The following CAST variants were observed in gnomAD, a reference collection of about 807,000 sequenced individuals.
The protein encoded by CAST is calpastatin.
CAST carries 76 observed loss-of-function variants against 119.6 expected under a neutral mutation model. That is an observed-to-expected ratio of 0.64 (90% CI 0.53 to 0.77). The LOEUF (loss-of-function observed/expected upper bound fraction) is 0.77, where lower values mean the gene tolerates loss of function less well. CAST is among the 30% of genes least tolerant of loss of function. The probability of loss-of-function intolerance (pLI) is 0.00; values close to 1 mark genes in which losing one functional copy is unlikely to be tolerated. For missense variants in CAST, 953 were observed against 946.5 expected (o/e 1.01, Z -0.09); for synonymous variants, 319 against 331.6 (o/e 0.96, Z 0.41).
intron 11 of CAST, among the ~76,000 whole-genome samples, chr5:96,739,571 T>A (rs1209320860): frequency 6.6e-6 from 1 of 152,234 alleles, no homozygotes; most frequent in Non-Finnish European, 1.5e-5. Context: ...TAAATTGATA[T>A]GCTAAAGTTC....
At chr5:96,454,183 C>T in the CAST span, among the ~76,000 whole-genome samples, 10,857 of 152,094 alleles carry the variant, frequency 0.071, 860 homozygotes, top group East Asian at 0.41. Context: ...ATTAATGAAC[C>T]CTACTACGTG....
Position 96,726,470 on chromosome 5 carries a change from A to G in CAST, c.271-324A>G, listed in dbSNP as rs919610032. 3.9e-5 allele frequency among the ~76,000 whole-genome samples: 6 copies of G among 152,360 alleles called. No homozygotes were observed. In the East Asian group the frequency reaches 9.6e-4, roughly 24 times the overall value. ...CCGTTACATCTGTGACTATTTGATC[A>G]TAACTAAACATTGGATACATAGGAA... On this transcript the variant is annotated intron_variant, in intron 4 of 31. Transcript: ENST00000675179.
chr5:96,178,802 T>C, the CAST span, among the ~76,000 whole-genome samples: 3 of 152,016 alleles, frequency 2.0e-5, no homozygotes, highest in Non-Finnish European at 2.9e-5. Context: ...TATGATGGAG[T>C]AATGGGTGCA....
chr5:96,421,993 T>TAAA, the CAST span: 373 of 358,354 alleles, frequency 1.0e-3, 21 homozygotes, highest in African/African-American at 0.014. Context: ...GTGGCAGCAT[T>TAAA]AAAAAAAAAA....
the CAST span, among the ~76,000 whole-genome samples, chr5:96,253,090 T>C: frequency 2.6e-5 from 4 of 152,184 alleles, no homozygotes; most frequent in African/African-American, 9.6e-5. Context: ...TAACCAAAAG[T>C]AGAGACATTT....
At chr5:95,974,678 T>C in the CAST span, among the ~76,000 whole-genome samples, 1 of 152,230 alleles carries the variant, frequency 6.6e-6, no homozygotes, top group Non-Finnish European at 1.5e-5. Context: ...CTTTCTCTTG[T>C]GCTACTGAAG....
chr5:96,696,720 G>A (rs985584871), intron 3 of CAST, among the ~76,000 whole-genome samples: 1 of 94,924 alleles, frequency 1.1e-5, no homozygotes, highest in South Asian at 3.5e-4. Context: ...GCCAGGCTTG[G>A]TGATGCGTGC....
At chr5:96,469,865 G>A in the CAST span, among the ~76,000 whole-genome samples, 4 of 129,310 alleles carry the variant, frequency 3.1e-5, no homozygotes, top group African/African-American at 6.4e-5. Flanking sequence ...ATATGTGTGT[G>A]TATATATATA....
the CAST span, among the ~76,000 whole-genome samples, chr5:96,301,205 C>T: frequency 6.6e-6 from 1 of 152,098 alleles, no homozygotes; most frequent in Admixed American, 6.5e-5. Context: ...AAGTGCCACA[C>T]ACTTTTAAAC....
the CAST span, among the ~76,000 whole-genome samples, chr5:96,472,587 G>A: frequency 3.3e-4 from 51 of 152,256 alleles, no homozygotes; most frequent in African/African-American, 1.2e-3. Flanking sequence ...TTCCCTCCTT[G>A]GATAAGCCAG....
intron 11 of CAST, among the ~76,000 whole-genome samples, chr5:96,739,099 ACT>A (rs1188569359): frequency 6.6e-6 from 1 of 152,102 alleles, no homozygotes; most frequent in Non-Finnish European, 1.5e-5. Context: ...GTAAAATGAA[ACT>A]CTCCTTAGTA....
At chr5:96,052,265 A>G in the CAST span, among the ~76,000 whole-genome samples, 3 of 152,330 alleles carry the variant, frequency 2.0e-5, no homozygotes, top group African/African-American at 7.2e-5. Context: ...TGGCAAGCCC[A>G]GCTCTTCTCA....
the CAST span, among the ~76,000 whole-genome samples, chr5:96,305,885 G>A: frequency 2.0e-5 from 3 of 152,156 alleles, no homozygotes; most frequent in Non-Finnish European, 4.4e-5. Context: ...TCACATCAAT[G>A]TTCATCAGGG....
chr5:96,187,011 C>T, the CAST span, among the ~76,000 whole-genome samples: 1 of 152,180 alleles, frequency 6.6e-6, no homozygotes, highest in Non-Finnish European at 1.5e-5. Context: ...ATATTTATTA[C>T]TGCCTCAATT....
chr5:96,756,600 G>A (rs1766378664), intron 22 of CAST, among the ~76,000 whole-genome samples: 1 of 152,080 alleles, frequency 6.6e-6, no homozygotes, highest in African/African-American at 2.4e-5. Context: ...TTCAAATTTT[G>A]GAGCATTTAA....
the CAST span, among the ~76,000 whole-genome samples, chr5:96,292,928 C>T: frequency 1.8e-4 from 28 of 152,274 alleles, no homozygotes; most frequent in Admixed American, 8.5e-4. Flanking sequence ...GGTTTTCTGA[C>T]GTCTTCATTA....
intron 1 of CAST, among the ~76,000 whole-genome samples, chr5:96,664,925 G>A (rs1380216472): frequency 6.6e-6 from 1 of 152,164 alleles, no homozygotes; most frequent in Non-Finnish European, 1.5e-5. Flanking sequence ...TGCAAATATG[G>A]ATAGCAGTAG....
chr5:96,312,595 T>G, the CAST span, among the ~76,000 whole-genome samples: 1 of 152,110 alleles, frequency 6.6e-6, no homozygotes, highest in South Asian at 2.1e-4. Flanking sequence ...GGTTTTGTGG[T>G]TTGAAACTAC....
chr5:96,679,926 A>T (rs26486), intron 2 of CAST, among the ~76,000 whole-genome samples: 97,758 of 152,000 alleles, frequency 0.64, 33,112 homozygotes, highest in African/African-American at 0.85. Context: ...GTGTGTATAT[A>T]CTTAAATTAA....
Sources: allele counts gnomAD v4.1 joint callset (sites outside exome capture counted in the v4.1 genomes callset), GRCh38; gene constraint gnomAD v4.1.1; transcripts MANE v1.5; gene names NCBI Gene and HGNC (gene_info 2026-07-23, HGNC 2026-07-21).